Variants in ZNF280D observed in about 807,000 individuals in gnomAD.
The protein encoded by ZNF280D is zinc finger protein 280D.
In ZNF280D, 39 loss-of-function variants were observed where a neutral mutation model predicts 94.7. That is an observed-to-expected ratio of 0.41 (90% CI 0.32 to 0.54). The LOEUF is 0.54. Ranked by LOEUF, ZNF280D falls within the 20% of genes least tolerant of loss-of-function variation. ZNF280D has a pLI of 0.22. For synonymous variants in ZNF280D, 398 were observed against 377.6 expected (o/e 1.05, Z -0.63); for missense variants, 1,090 against 1,149.3 (o/e 0.95, Z 0.75).
intron 13 of ZNF280D, among the ~76,000 whole-genome samples, chr15:56,672,704 A>G (rs561211503): frequency 6.6e-6 from 1 of 152,118 alleles, no homozygotes; most frequent in African/African-American, 2.4e-5. Context: ...AATTATTTAT[A>G]AAAATCAAGT....
chr15:56,707,323 C>A lies in ZNF280D; in HGVS notation c.-85-17G>T. ...TTTTCCTTCCTATAAAATAAAGATACCAACTATTAGGGTGGACTTCATTAA... is the reference window on the plus strand; with the variant it reads ...TTTTCCTTCCTATAAAATAAAGATAACAACTATTAGGGTGGACTTCATTAA... On this transcript the variant is annotated splice_polypyrimidine_tract_variant and intron_variant, in intron 1 of 21. Transcript: ENST00000267807. 6.6e-7 allele frequency: 1 copy of A among 1,519,960 alleles called. No homozygotes were observed. Among genetic ancestry groups the A allele is most frequent in the Non-Finnish European group, 8.8e-7 (1 of 1,136,710 alleles). The allele number at this position is 1,519,960 out of a possible 1,614,324, so 94.2% of individuals were successfully genotyped here.
intron 7 of ZNF280D, 75 bp from the exon 8 acceptor site, chr15:56,689,545 G>A: frequency 2.1e-6 from 2 of 942,938 alleles, no homozygotes; most frequent in Non-Finnish European, 1.5e-6. Context: ...AAAATATTTT[G>A]GAGCTAAATT....
At chr15:56,719,356 C>CA (rs1567036774) in intron 1 of ZNF280D, among the ~76,000 whole-genome samples, 29 of 100,096 alleles carry the variant, frequency 2.9e-4, no homozygotes, top group Non-Finnish European at 5.4e-4. Context: ...AAACAAAAAA[C>CA]CAAAAAAAAA....
chr15:56,719,740 A>C (rs2058245070), intron 1 of ZNF280D, among the ~76,000 whole-genome samples: 1 of 152,144 alleles, frequency 6.6e-6, no homozygotes, highest in Admixed American at 6.5e-5. Context: ...CAATAAAGTG[A>C]ATATTGCAAT....
chr15:56,638,418 A>C (rs928741165), intron 20 of ZNF280D, among the ~76,000 whole-genome samples: 6 of 152,242 alleles, frequency 3.9e-5, no homozygotes, highest in Non-Finnish European at 8.8e-5. Context: ...CAGTGCAACA[A>C]GCAAGAAAAC....
chr15:56,702,307 T>C (rs995093123), intron 4 of ZNF280D, among the ~76,000 whole-genome samples: 6 of 152,192 alleles, frequency 3.9e-5, no homozygotes, highest in Non-Finnish European at 8.8e-5. Context: ...TACTATTTAG[T>C]GGGTGTAGTC....
At chr15:56,703,795 A>C (rs1052540336) in intron 4 of ZNF280D, among the ~76,000 whole-genome samples, 6 of 152,228 alleles carry the variant, frequency 3.9e-5, no homozygotes, top group African/African-American at 1.2e-4. Context: ...TTGAGGCTAC[A>C]GTGAGCTGTG....
chr15:56,662,764 CAGTG>C (rs377270200), intron 16 of ZNF280D, among the ~76,000 whole-genome samples: 22 of 145,650 alleles, frequency 1.5e-4, no homozygotes, highest in African/African-American at 5.1e-4. Context: ...GTGGAGGTTG[CAGTG>C]AGCCAAGATC....
chr15:56,696,996 C>T (rs576866569), intron 6 of ZNF280D, among the ~76,000 whole-genome samples: 2 of 152,270 alleles, frequency 1.3e-5, no homozygotes, highest in South Asian at 2.1e-4. Context: ...TCCCCATCCT[C>T]GGTCAAACGT....
chr15:56,718,368 T>C (rs141484401), intron 1 of ZNF280D, among the ~76,000 whole-genome samples: 315 of 152,304 alleles, frequency 2.1e-3, no homozygotes, highest in African/African-American at 7.2e-3. Flanking sequence ...ATAAAGATGT[T>C]TGAGGGCTTA....
At chr15:56,667,167 TA>T (rs1473705612) in intron 14 of ZNF280D, among the ~76,000 whole-genome samples, 181 bp from the exon 15 acceptor site, 8 of 152,184 alleles carry the variant, frequency 5.3e-5, no homozygotes, top group Non-Finnish European at 1.2e-4. Flanking sequence ...AACTTGATAT[TA>T]AGTTGTAATA....
chr15:56,637,169 AT>A (rs10659333), intron 20 of ZNF280D, among the ~76,000 whole-genome samples: 1,547 of 138,448 alleles, frequency 0.011, 12 homozygotes, highest in African/African-American at 0.021. Context: ...TCCAGAATGA[AT>A]TTTTTTTTTT....
chr15:56,669,914 T>TTA lies in ZNF280D; in HGVS notation c.1411-959_1411-958dup, dbSNP rs67216683. 6.7e-3 allele frequency among the ~76,000 whole-genome samples: 18 copies of TTA among 2,676 alleles called. 1 individual carries two copies. The highest frequency in any genetic ancestry group is 0.018 in the African/African-American group (18 of 984). The allele number at this position is 2,676 out of a possible 152,430, so 1.8% of individuals were successfully genotyped here. A position where few individuals can be genotyped will look rare whatever the true frequency, so the allele number is the denominator to read the frequency against. ...TATATATATATATAATATATATATA[T>TTA]TATATATATATTATATATATATTAT... is the stretch of plus-strand genomic sequence containing the variant. On this transcript the variant is annotated intron_variant, in intron 13 of 21. Transcript: ENST00000267807.
rs1348909670 is a variant in ZNF280D, at chr15:56,650,460, C to A, written c.2213+3738G>T. Among the ~76,000 whole-genome samples the A allele has an allele frequency of 2.0e-5, 3 of 152,068 alleles. No individual in the cohort carries two copies. The East Asian group carries it at 5.8e-4, about 29-fold the overall frequency. Reference sequence around the variant, plus strand: ...AATAAAGTTAGTGAGGCAGCTGGGTCCTTTAACTCTAATATTTTGACTGTC... The same window carrying A: ...AATAAAGTTAGTGAGGCAGCTGGGTACTTTAACTCTAATATTTTGACTGTC... On this transcript the variant is annotated intron_variant, in intron 19 of 21. Coordinates refer to ENST00000267807, the MANE Select transcript of ZNF280D (RefSeq NM_017661.4).
At chr15:56,633,399 A>C (rs1829811216) in intron 21 of ZNF280D, among the ~76,000 whole-genome samples, 2 of 152,150 alleles carry the variant, frequency 1.3e-5, no homozygotes, top group African/African-American at 4.8e-5. Flanking sequence ...TTCCCCATAA[A>C]TTTCATACTT....
At chr15:56,648,112 GC>G (rs760509683) in intron 19 of ZNF280D, among the ~76,000 whole-genome samples, 44 of 152,220 alleles carry the variant, frequency 2.9e-4, no homozygotes, top group Non-Finnish European at 4.9e-4. Context: ...ACTGCCTCAA[GC>G]CAATTCCTCT....
intron 10 of ZNF280D, among the ~76,000 whole-genome samples, chr15:56,679,465 C>T (rs1290946298): frequency 6.6e-6 from 1 of 152,202 alleles, no homozygotes; most frequent in African/African-American, 2.4e-5. Context: ...GACTGTTCAT[C>T]TTAACTTGCA....
In ZNF280D at chr15:56,689,024, T is replaced by A; in HGVS notation, c.780+17A>T. 1 of 1,548,104 alleles carries A rather than the reference T, an allele frequency of 6.5e-7. No individual in the cohort carries two copies. The highest frequency in any genetic ancestry group is 8.8e-7 in the Non-Finnish European group (1 of 1,137,386). ...ATGTGCAAACTTTTTACAAATTAAA[T>A]TTTGAAAGAGTTTTACCTTCATGTG... On this transcript the variant is annotated intron_variant, in intron 9 of 21. Transcript: ENST00000267807.
intron 9 of ZNF280D, among the ~76,000 whole-genome samples, 193 bp from the exon 10 acceptor site, chr15:56,682,670 T>C (rs2055711802): frequency 6.6e-6 from 1 of 151,620 alleles, no homozygotes; most frequent in African/African-American, 2.4e-5. Context: ...AAACACCTAT[T>C]ATCTTCATGT....
Sources: allele counts gnomAD v4.1 joint callset (sites outside exome capture counted in the v4.1 genomes callset), GRCh38; gene constraint gnomAD v4.1.1; transcripts MANE v1.5; gene names NCBI Gene and HGNC (gene_info 2026-07-23, HGNC 2026-07-21).